Variants in CHD1 observed in about 807,000 individuals in gnomAD.
CHD1 encodes chromodomain helicase DNA binding protein 1.
CHD1 carries 36 observed loss-of-function variants against 224.2 expected under a neutral mutation model. The ratio of observed to expected loss-of-function variants is 0.16; its 90% CI spans 0.12 to 0.21. The LOEUF (loss-of-function observed/expected upper bound fraction) is 0.21. CHD1 is among the 10% of genes least tolerant of loss of function. CHD1 has a pLI of 1.00. For synonymous variants in CHD1, 668 were observed against 658.3 expected (o/e 1.01, Z -0.23); for missense variants, 1,378 against 1,994.8 (o/e 0.69, Z 5.89).
chr5:98,854,201 T>C lies in CHD1; in HGVS notation c.*2179A>G, dbSNP rs1747869010. On this transcript the variant is annotated 3_prime_UTR_variant, in exon 36 of 36. Coordinates refer to ENST00000614616, the MANE Select transcript of CHD1 (RefSeq NM_001270.4). ...CTGATTTCTTACAAAAATGAACATA[T>C]TTTATCATTTGATAAATGTACATAC... 6.6e-6 allele frequency: 1 copy of C among 152,030 alleles called. No individual in the cohort carries two copies. The highest frequency in any genetic ancestry group is 6.5e-5 in the Admixed American group (1 of 15,272). 9.4% of individuals were successfully genotyped at this position (152,030 alleles called of 1,614,324 possible). A position where few individuals can be genotyped will look rare whatever the true frequency, so the allele number is the denominator to read the frequency against.
At chr5:98,869,230 T>C in intron 30 of CHD1, 2 of 984,656 alleles carry the variant, frequency 2.0e-6, no homozygotes, top group Non-Finnish European at 2.4e-6. Context: ...CACTGTCTCT[T>C]TCTGTTTTAA....
chr5:98,894,570 CA>C, intron 13 of CHD1, 26 bp downstream of exon 13: 2 of 944,046 alleles, frequency 2.1e-6, no homozygotes, highest in African/African-American at 1.7e-5. Context: ...TACAAGAGAC[CA>C]AAACACGTGA....
intron 28 of CHD1, among the ~76,000 whole-genome samples, chr5:98,871,351 A>G (rs1749316206): frequency 8.5e-6 from 1 of 117,494 alleles, no homozygotes. Flanking sequence ...AAGTTCTCCC[A>G]GTGTTTCCCA....
At position 98,898,674 on chromosome 5, in the gene CHD1, T is replaced by C; in HGVS notation, c.1176A>G (p.Glu392=). 6.6e-7 allele frequency: 1 copy of C among 1,520,208 alleles called. No homozygotes were observed. The highest frequency in any genetic ancestry group is 9.1e-7 in the Non-Finnish European group (1 of 1,102,220). The allele number at this position is 1,520,208 out of a possible 1,614,324, so 94.2% of individuals were successfully genotyped here. ...TCATTTATCACTAACCAATTATACG[T>C]TCCACTATTTGATACTGTTTATGTA... ...DDLHKQYQIV[E]RIIAHSNQKS... is the part of the protein sequence containing the mutation. Residue 392 remains glutamate, a synonymous_variant, in exon 9 of 36, where the codon GAA becomes GAG. Transcript: ENST00000614616.
intron 26 of CHD1, 109 bp from the exon 27 acceptor site, chr5:98,872,664 T>C: frequency 1.1e-6 from 1 of 879,970 alleles, no homozygotes; most frequent in Non-Finnish European, 1.8e-6. Context: ...AAGTATTCCT[T>C]ATTTATATTA....
intron 17 of CHD1, chr5:98,886,080 T>G (rs894208850): frequency 1.9e-5 from 3 of 155,618 alleles, no homozygotes; most frequent in African/African-American, 7.2e-5. Flanking sequence ...AAACACTGAT[T>G]AAGTCCAGCG....
intron 34 of CHD1, 46 bp from the exon 35 acceptor site, chr5:98,858,436 G>C: frequency 2.0e-6 from 3 of 1,505,890 alleles, no homozygotes; most frequent in Non-Finnish European, 2.7e-6. Flanking sequence ...AAAATAATGT[G>C]GCAAAAAAAA....
intron 25 of CHD1, 41 bp downstream of exon 25, chr5:98,875,031 A>G (rs755013385): frequency 9.8e-7 from 1 of 1,025,470 alleles, no homozygotes; most frequent in Non-Finnish European, 1.5e-6. Flanking sequence ...GACAGCATGT[A>G]ACACATTCCA....
At chr5:98,908,250 TTC>T (rs1752173776) in intron 2 of CHD1, among the ~76,000 whole-genome samples, 4 of 152,294 alleles carry the variant, frequency 2.6e-5, no homozygotes, top group Non-Finnish European at 5.9e-5. Flanking sequence ...TCCTTCTCTT[TTC>T]TTTTTATTAT....
intron 2 of CHD1, among the ~76,000 whole-genome samples, chr5:98,921,188 C>T (rs1753071519): frequency 6.6e-6 from 1 of 152,154 alleles, no homozygotes. Context: ...GCCCTATGTG[C>T]ATCATGCTAG....
chr5:98,913,138 C>T (rs1470178553), intron 2 of CHD1, among the ~76,000 whole-genome samples: 1 of 152,150 alleles, frequency 6.6e-6, no homozygotes, highest in Non-Finnish European at 1.5e-5. Flanking sequence ...CTCTTGTTCC[C>T]TTCCACCTAT....
chr5:98,877,574 T>C (rs973555897), intron 23 of CHD1, among the ~76,000 whole-genome samples: 7 of 152,210 alleles, frequency 4.6e-5, no homozygotes, highest in African/African-American at 7.2e-5. Flanking sequence ...CATCAAAACA[T>C]ATATTCTGTA....
rs750858798 is a variant in CHD1, at chr5:98,859,966, G to A, written c.4524+6C>T. 6 of 1,431,140 alleles carry A rather than the reference G, an allele frequency of 4.2e-6. No individual in the cohort carries two copies. In the Admixed American group the frequency reaches 1.2e-4, roughly 28 times the overall value. 88.7% of individuals were successfully genotyped at this position (1,431,140 alleles called of 1,614,324 possible). On this transcript the variant is annotated splice_donor_region_variant and intron_variant, in intron 33 of 35. Transcript: ENST00000614616. ...ATTCAGGGAAAAAATATGATGTCAA[G>A]TTTACCTGAGACTCCTGCCGTTTTT...
chr5:98,857,803 T>C (rs1178220967), intron 35 of CHD1, among the ~76,000 whole-genome samples: 1 of 152,054 alleles, frequency 6.6e-6, no homozygotes. Context: ...TTTAAAAATA[T>C]GGAATGCAAA....
intron 17 of CHD1, 34 bp downstream of exon 17, chr5:98,888,054 A>C (rs776187786): frequency 7.1e-7 from 1 of 1,415,140 alleles, no homozygotes; most frequent in South Asian, 1.4e-5. Context: ...GAATTAGATA[A>C]AATTTAAAAC....
In CHD1 at chr5:98,856,184, G is replaced by A. The variant is rs1748007002; in HGVS notation, c.*196C>T. ...AAAAGTACTACAATTTTGTAGTACA[G>A]TGCAGCATAATCCTTAAATATAAAA... On this transcript the variant is annotated 3_prime_UTR_variant, in exon 36 of 36. Coordinates refer to ENST00000614616, the MANE Select transcript of CHD1 (RefSeq NM_001270.4). The A allele has an allele frequency of 3.7e-6, 2 of 538,348 alleles. No homozygotes were observed. The highest frequency in any genetic ancestry group is 3.8e-5 in the African/African-American group (2 of 52,762). The allele number at this position is 538,348 out of a possible 1,614,324, so 33.3% of individuals were successfully genotyped here. A position where few individuals can be genotyped will look rare whatever the true frequency, so the allele number is the denominator to read the frequency against.
At chr5:98,856,821 T>G (rs1748069090) in intron 35 of CHD1, 96 bp from the exon 36 acceptor site, 2 of 793,944 alleles carry the variant, frequency 2.5e-6, no homozygotes, top group Non-Finnish European at 3.9e-6. Context: ...CCTTAAAACA[T>G]GTTTTTAATT....
At chr5:98,922,444 T>C (rs529799836) in intron 2 of CHD1, among the ~76,000 whole-genome samples, 1 of 152,282 alleles carries the variant, frequency 6.6e-6, no homozygotes, top group East Asian at 1.9e-4. Flanking sequence ...CAGTGAATAG[T>C]TATAGAGAGA....
At position 98,868,561 on chromosome 5, in the gene CHD1, C is replaced by A; in HGVS notation, c.4182G>T (p.Thr1394=). Residue 1394 remains threonine (T), a synonymous_variant, in exon 31 of 36, where the codon ACG becomes ACT. Coordinates refer to ENST00000614616, the MANE Select transcript of CHD1 (RefSeq NM_001270.4). ...AAATGGGAACTGGTTCACCACTTGCCGTGATATGAACTGGAGCATCTGACA... is the reference window on the plus strand; with the variant it reads ...AAATGGGAACTGGTTCACCACTTGCAGTGATATGAACTGGAGCATCTGACA... ...SSVSDAPVHI[T]ASGEPVPISE... is the part of the protein sequence containing the mutation. The A allele has an allele frequency of 6.2e-7, 1 of 1,612,622 alleles. No homozygotes were observed.
Sources: gnomAD v4.1 joint callset for allele counts (sites outside exome capture counted in the v4.1 genomes callset) on GRCh38, gnomAD v4.1.1 for gene constraint, MANE v1.5 for transcripts, NCBI Gene and HGNC (gene_info 2026-07-23, HGNC 2026-07-21) for gene names.